KHDC1: variants seen among roughly 807,000 people sequenced by gnomAD.
KHDC1 encodes KH homology domain-containing protein 1.
Under a neutral mutation model 24.7 loss-of-function variants are expected in KHDC1, and 21 were observed. The ratio of observed to expected loss-of-function variants is 0.85; its 90% confidence interval spans 0.60 to 1.23. KHDC1 has a LOEUF of 1.23. Among genes scored for constraint, KHDC1 ranks in the 50% most tolerant of loss-of-function variants. The pLI, the probability that KHDC1 is intolerant of heterozygous loss-of-function variation, is 0.00. For synonymous variants in KHDC1, 98 were observed against 111.7 expected (o/e 0.88, Z 0.77); for missense variants, 274 against 298.5 (o/e 0.92, Z 0.61).
At chr6:73,251,164 A>G (rs1302614288) in intron 2 of KHDC1, among the ~76,000 whole-genome samples, 1 of 152,188 alleles carries the variant, frequency 6.6e-6, no homozygotes, top group Non-Finnish European at 1.5e-5. Context: ...TATATGCAAT[A>G]GTTCTGGCCT....
chr6:73,286,911 T>C (rs1767533844), intron 2 of KHDC1, among the ~76,000 whole-genome samples: 1 of 150,664 alleles, frequency 6.6e-6, no homozygotes, highest in African/African-American at 2.4e-5. Context: ...CAGATACTGC[T>C]TTCAGGATTT....
chr6:73,294,723 C>T (rs1487510641), intron 1 of KHDC1, among the ~76,000 whole-genome samples: 2 of 152,112 alleles, frequency 1.3e-5, no homozygotes, highest in Non-Finnish European at 2.9e-5. Flanking sequence ...CTGCCCAAAT[C>T]TCATGTTGAA....
At chr6:73,299,812 G>A (rs959484038) in intron 1 of KHDC1, 2 of 152,166 alleles carry the variant, frequency 1.3e-5, no homozygotes, top group African/African-American at 2.4e-5. Flanking sequence ...ATGAGACCGC[G>A]GTGTGGTCTA....
chr6:73,309,369 C>G (rs928635278), intron 1 of KHDC1, among the ~76,000 whole-genome samples: 9 of 152,174 alleles, frequency 5.9e-5, no homozygotes, highest in African/African-American at 2.2e-4. Flanking sequence ...ACATCTTGCC[C>G]TTTCTACTCA....
intron 1 of KHDC1, among the ~76,000 whole-genome samples, chr6:73,294,656 T>C (rs1428353576): frequency 6.6e-6 from 1 of 152,224 alleles, no homozygotes. Flanking sequence ...CAGTGATAAA[T>C]TATTTAATTT....
chr6:73,272,203 G>A (rs953162077), intron 2 of KHDC1, among the ~76,000 whole-genome samples: 5 of 151,376 alleles, frequency 3.3e-5, no homozygotes, highest in East Asian at 2.0e-4. Flanking sequence ...TTGCTCTGTC[G>A]CCCACGCTGG....
At chr6:73,248,239 C>T (rs1469013482) in intron 2 of KHDC1, among the ~76,000 whole-genome samples, 5 of 152,174 alleles carry the variant, frequency 3.3e-5, no homozygotes, top group Non-Finnish European at 7.3e-5. Context: ...ACATGTGCAT[C>T]TCCTGGAAAA....
chr6:73,241,933 C>T, intron 4 of KHDC1, 122 bp downstream of exon 3: 2 of 1,179,228 alleles, frequency 1.7e-6, no homozygotes, highest in South Asian at 3.1e-5. Context: ...TCCCAATGGA[C>T]TCTGGGAAGC....
intron 2 of KHDC1, among the ~76,000 whole-genome samples, chr6:73,273,151 G>A (rs1054572953): frequency 7.7e-6 from 1 of 129,684 alleles, no homozygotes; most frequent in African/African-American, 2.9e-5. Flanking sequence ...GAGCCACCGC[G>A]CCCAGCTTTT....
intron 1 of KHDC1, chr6:73,300,275 C>G (rs1484123077): frequency 6.6e-6 from 1 of 152,424 alleles, no homozygotes; most frequent in African/African-American, 2.4e-5. Context: ...TTGTCTCTCC[C>G]TTGCACTTAC....
chr6:73,248,151 TG>T (rs770943024), intron 2 of KHDC1, among the ~76,000 whole-genome samples: 1 of 152,192 alleles, frequency 6.6e-6, no homozygotes, highest in East Asian at 1.9e-4. Context: ...GCATCGAGAC[TG>T]GCTATATTGG....
chr6:73,251,783 CCTTTTCTTTT>C (rs202218649), intron 2 of KHDC1, among the ~76,000 whole-genome samples: 5 of 149,778 alleles, frequency 3.3e-5, no homozygotes, highest in Admixed American at 1.3e-4. Context: ...TCTTTTTTTT[CCTTTTCTTTT>C]CTTTTCTTTT....
chr6:73,301,208 A>C (rs1767869793), intron 1 of KHDC1: 1 of 151,712 alleles, frequency 6.6e-6, no homozygotes, highest in Admixed American at 6.6e-5. Context: ...CGACAGAGCG[A>C]GACTCCGTAA....
intron 1 of KHDC1, chr6:73,292,048 G>C (rs770662867): frequency 1.2e-6 from 2 of 1,613,906 alleles, no homozygotes; most frequent in South Asian, 2.2e-5. Context: ...TCTCTGTAAA[G>C]GAGATATATA....
chr6:73,245,799 C>T (rs1766654242), intron 2 of KHDC1, among the ~76,000 whole-genome samples: 1 of 152,088 alleles, frequency 6.6e-6, no homozygotes, highest in South Asian at 2.1e-4. Flanking sequence ...CGTTGGAATT[C>T]CTTAAGTCCA....
At chr6:73,242,062 A>G in exon 4 of KHDC1, 2 of 1,612,082 alleles carry the variant, frequency 1.2e-6, no homozygotes, top group Non-Finnish European at 1.7e-6. Flanking sequence ...TACCTCGAGC[A>G]TGATGATAGG....
chr6:73,295,728 C>T (rs1243059029), intron 1 of KHDC1, among the ~76,000 whole-genome samples: 1 of 151,952 alleles, frequency 6.6e-6, no homozygotes, highest in Non-Finnish European at 1.5e-5. Context: ...CACCTGTAGT[C>T]CCAGCTACTC....
intron 2 of KHDC1, among the ~76,000 whole-genome samples, chr6:73,248,048 G>A (rs1280981540): frequency 6.6e-6 from 1 of 152,090 alleles, no homozygotes; most frequent in Non-Finnish European, 1.5e-5. Flanking sequence ...CCCCCAGAGT[G>A]GAGAGAAATG....
At chr6:73,305,821 C>T (rs149360573) in intron 1 of KHDC1, among the ~76,000 whole-genome samples, 340 of 152,054 alleles carry the variant, frequency 2.2e-3, no homozygotes, top group African/African-American at 7.4e-3. Context: ...CACCACACCC[C>T]GCTAATTTTT....
Sources: allele counts gnomAD v4.1 joint callset (sites outside exome capture counted in the v4.1 genomes callset), GRCh38; gene constraint gnomAD v4.1.1; transcripts MANE v1.5; gene names NCBI Gene and HGNC (gene_info 2026-07-23, HGNC 2026-07-21).